The following EXT2 variants were observed in gnomAD, a reference collection of about 807,000 sequenced individuals.
EXT2 encodes exostosin glycosyltransferase 2.
Under a neutral mutation model 81.6 loss-of-function variants are expected in EXT2, and 53 were observed. The ratio of observed to expected loss-of-function variants is 0.65; its 90% CI spans 0.52 to 0.82. The LOEUF (loss-of-function observed/expected upper bound fraction) is 0.82. Ranked by LOEUF, EXT2 falls within the 40% of genes least tolerant of loss-of-function variation. The pLI, the probability that EXT2 is intolerant of heterozygous loss-of-function variation, is 0.00. For missense variants in EXT2, 774 were observed against 910.2 expected (o/e 0.85, Z 1.93); for synonymous variants, 320 against 340.0 (o/e 0.94, Z 0.65).
intron 8 of EXT2, among the ~76,000 whole-genome samples, chr11:44,187,039 TTCCTTCCC>T (rs1261092741): frequency 9.3e-6 from 1 of 107,660 alleles, no homozygotes; most frequent in Non-Finnish European, 2.1e-5. Context: ...CCTTCCTTCC[TTCCTTCCC>T]TCCTTCCCTC....
At chr11:44,117,865 G>T (rs762031042) in intron 4 of EXT2, among the ~76,000 whole-genome samples, 2 of 152,288 alleles carry the variant, frequency 1.3e-5, no homozygotes, top group African/African-American at 4.8e-5. Flanking sequence ...GGGCTCAGGT[G>T]ATCCTCCTGC....
At chr11:44,148,749 C>G (rs1590595741) in intron 7 of EXT2, among the ~76,000 whole-genome samples, 1 of 152,172 alleles carries the variant, frequency 6.6e-6, no homozygotes, top group African/African-American at 2.4e-5. Context: ...AGTTAACAGA[C>G]ACAAATCTCT....
At chr11:44,207,450 G>A (rs1309824061) in intron 10 of EXT2, among the ~76,000 whole-genome samples, 1 of 152,206 alleles carries the variant, frequency 6.6e-6, no homozygotes, top group Admixed American at 6.5e-5. Flanking sequence ...TATTCAATGA[G>A]GCTGATGGAT....
At chr11:44,124,719 T>C (rs893887289) in intron 4 of EXT2, 70 bp from the exon 5 acceptor site, 200 of 1,362,382 alleles carry the variant, frequency 1.5e-4, no homozygotes, top group Non-Finnish European at 2.0e-4. Flanking sequence ...AAGTTTAATA[T>C]CAAAGTTTGT....
chr11:44,230,685 G>T (rs1955888258), intron 10 of EXT2, among the ~76,000 whole-genome samples: 1 of 152,192 alleles, frequency 6.6e-6, no homozygotes, highest in African/African-American at 2.4e-5. Context: ...CCAGAAGCTA[G>T]GAAGAGGCAA....
chr11:44,103,766 T>G (rs756116502), intron 1 of EXT2: 6 of 342,418 alleles, frequency 1.8e-5, no homozygotes, highest in African/African-American at 2.3e-5. Flanking sequence ...TTTAAAATAA[T>G]TTTTCCATGT....
chr11:44,212,294 AAAATATAAATAAAT>A (rs1283338203), intron 10 of EXT2, among the ~76,000 whole-genome samples: 2 of 110,062 alleles, frequency 1.8e-5, no homozygotes, highest in Non-Finnish European at 3.5e-5. Flanking sequence ...TAAAAAAATA[AAAATATAAATAAAT>A]AAATAAATAA....
chr11:44,238,802 G>C (rs1956000711), intron 13 of EXT2, among the ~76,000 whole-genome samples: 1 of 152,188 alleles, frequency 6.6e-6, no homozygotes, highest in South Asian at 2.1e-4. Context: ...GGTTTGTCAA[G>C]GGTGCCTGAT....
intron 13 of EXT2, among the ~76,000 whole-genome samples, 184 bp from the exon 14 acceptor site, chr11:44,243,965 C>T (rs1956068131): frequency 2.0e-5 from 3 of 152,172 alleles, no homozygotes; most frequent in South Asian, 2.1e-4. Flanking sequence ...TTTTTCCACA[C>T]CTGTCAACCT....
At chr11:44,194,912 C>T (rs976782281) in intron 8 of EXT2, among the ~76,000 whole-genome samples, 11 of 152,010 alleles carry the variant, frequency 7.2e-5, no homozygotes, top group Admixed American at 5.2e-4. Context: ...AGACCATGAA[C>T]GGTCCCTGGG....
intron 1 of EXT2, among the ~76,000 whole-genome samples, chr11:44,100,493 T>C (rs1459386996): frequency 6.6e-6 from 1 of 152,218 alleles, no homozygotes; most frequent in Non-Finnish European, 1.5e-5. Flanking sequence ...ATGGTAGCTC[T>C]AGCACTTGAG....
intron 4 of EXT2, chr11:44,116,968 T>A (rs1420439210): frequency 6.6e-6 from 1 of 151,692 alleles, no homozygotes; most frequent in African/African-American, 2.4e-5. Flanking sequence ...CTTTTCACTT[T>A]CTTTTTTTTT....
chr11:44,122,021 C>G (rs1289057051), intron 4 of EXT2, among the ~76,000 whole-genome samples: 5 of 152,132 alleles, frequency 3.3e-5, no homozygotes, highest in African/African-American at 1.2e-4. Context: ...ACTCTATGCC[C>G]TTCTGCCTGG....
intron 8 of EXT2, among the ~76,000 whole-genome samples, chr11:44,173,798 A>G (rs1331457280): frequency 3.3e-5 from 5 of 151,464 alleles, no homozygotes; most frequent in Non-Finnish European, 5.9e-5. Flanking sequence ...TCATCTCCTG[A>G]TCTTGTGATC....
intron 7 of EXT2, among the ~76,000 whole-genome samples, chr11:44,164,758 GT>G (rs1954969881): frequency 6.6e-6 from 1 of 151,870 alleles, no homozygotes; most frequent in African/African-American, 2.4e-5. Context: ...TAAATGCTTT[GT>G]TCAAGGTTAT....
intron 10 of EXT2, among the ~76,000 whole-genome samples, chr11:44,215,760 A>G (rs1955710207): frequency 6.6e-6 from 1 of 152,030 alleles, no homozygotes; most frequent in African/African-American, 2.4e-5. Flanking sequence ...TAAATACAGT[A>G]TTTACTATAT....
At chr11:44,144,319 AGGGAACAGTGG>A (rs753041636) in intron 7 of EXT2, 1 of 1,598,408 alleles carries the variant, frequency 6.3e-7, no homozygotes, top group Non-Finnish European at 8.5e-7. Flanking sequence ...GATCTGGCCT[AGGGAACAGTGG>A]GATTCACAGG....
intron 1 of EXT2, chr11:44,096,340 G>A (rs1953895859): frequency 6.5e-7 from 1 of 1,534,472 alleles, no homozygotes. Context: ...GGGGCCAGGG[G>A]CATGTTATGC....
intron 8 of EXT2, among the ~76,000 whole-genome samples, chr11:44,188,782 A>C (rs932300969): frequency 1.3e-5 from 2 of 152,152 alleles, no homozygotes; most frequent in African/African-American, 4.8e-5. Flanking sequence ...AAATATGAAG[A>C]AGTGAAGTAA....
Sources: allele counts gnomAD v4.1 joint callset (sites outside exome capture counted in the v4.1 genomes callset), GRCh38; gene constraint gnomAD v4.1.1; transcripts MANE v1.5; gene names NCBI Gene and HGNC (gene_info 2026-07-23, HGNC 2026-07-21).